Variants in PCDHA10 observed in about 807,000 individuals in gnomAD.
PCDHA10 encodes the protein protocadherin alpha 10, also known as protocadherin alpha-10.
In PCDHA10, 45 loss-of-function variants were observed where a neutral mutation model predicts 61.2. The observed-to-expected ratio is 0.74, with a 90% confidence interval of 0.58 to 0.94. PCDHA10 has a LOEUF of 0.94. Among genes scored for constraint, PCDHA10 ranks in the 40% least tolerant of loss-of-function variants. PCDHA10 has a pLI of 0.00. For synonymous variants in PCDHA10, 602 were observed against 548.8 expected, an observed-to-expected ratio of 1.10 and a Z score of -1.35; for missense variants, 1,278 against 1,236.2, an observed-to-expected ratio of 1.03 and a Z score of -0.51.
chr5:140,993,996 G>T (rs1163632974), intron 3 of PCDHA10, among the ~76,000 whole-genome samples: 1 of 152,148 alleles, frequency 6.6e-6, no homozygotes, highest in Non-Finnish European at 1.5e-5. Flanking sequence ...CTTAGGTCAG[G>T]CCAGGCTCTG....
Position 140,926,930 on chromosome 5 carries a change from T to A in PCDHA10, c.2389-52019T>A, listed in dbSNP as rs1554203828. On this transcript the variant is annotated intron_variant, in intron 1 of 3. Coordinates refer to ENST00000307360, the MANE Select transcript of PCDHA10 (RefSeq NM_018901.4). ...GGGGTGGCAGTTTTATGTTTGTGGG[T>A]TTCCTGCGGCGCTGCAGCGGGACAG... 6 of 1,575,058 alleles carry A rather than the reference T, an allele frequency of 3.8e-6. No individual in the cohort carries two copies. The East Asian group carries it at 1.4e-4, about 35-fold the overall frequency.
intron 1 of PCDHA10, among the ~76,000 whole-genome samples, chr5:140,950,519 A>G (rs1359001168): frequency 6.6e-6 from 1 of 152,034 alleles, no homozygotes; most frequent in Non-Finnish European, 1.5e-5. Flanking sequence ...TGTGTGCGAT[A>G]TGATTGTTTT....
At chr5:140,976,585 C>A (rs1415996919) in intron 1 of PCDHA10, among the ~76,000 whole-genome samples, 1 of 152,064 alleles carries the variant, frequency 6.6e-6, no homozygotes, top group African/African-American at 2.4e-5. Flanking sequence ...AAAACACAGA[C>A]TTTTGTGTTA....
intron 1 of PCDHA10, among the ~76,000 whole-genome samples, chr5:140,974,767 T>C (rs559758887): frequency 1.2e-4 from 18 of 152,098 alleles, no homozygotes; most frequent in Non-Finnish European, 2.4e-4. Flanking sequence ...GGATTACAGG[T>C]ATGAGCCACT....
Position 140,857,393 on chromosome 5 carries a change from G to C in PCDHA10, c.1345G>C (p.Asp449His), listed in dbSNP as rs146099067. Residue 449 changes from aspartate (D) to histidine (H), a missense_variant, in exon 1 of 4, where the codon GAC becomes CAC. Physicochemically the swap from Asp to His is moderately conservative, Grantham distance 81. Coordinates refer to ENST00000307360, the MANE Select transcript of PCDHA10 (RefSeq NM_018901.4). Reference protein sequence around the residue: ...SVSVEVADVNDNAPAFAQSEY... With the variant: ...SVSVEVADVNHNAPAFAQSEY... The stretch of plus-strand genomic sequence containing the variant: ...GTCTGTGGAGGTGGCCGACGTGAAC[G>C]ACAACGCGCCTGCGTTCGCGCAGTC... The C allele has an allele frequency of 3.2e-4, 519 of 1,598,492 alleles. 32 individuals carry two copies. In the African/African-American group the frequency reaches 5.9e-3, roughly 18 times the overall value.
intron 1 of PCDHA10, among the ~76,000 whole-genome samples, chr5:140,965,464 C>T (rs987279720): frequency 1.3e-5 from 2 of 151,782 alleles, no homozygotes; most frequent in Admixed American, 1.3e-4. Context: ...AAGATAAATC[C>T]CAGACTCCCA....
intron 1 of PCDHA10, chr5:140,862,693 T>C (rs2047494827): frequency 1.8e-6 from 1 of 555,404 alleles, no homozygotes; most frequent in African/African-American, 1.9e-5. Flanking sequence ...GTCCTACTCG[T>C]TGATGGAACA....
Position 140,858,042 on chromosome 5 carries a change from T to C in PCDHA10, c.1994T>C (p.Leu665Pro). Residue 665 changes from leucine (L) to proline (P), a missense_variant, in exon 1 of 4, where the codon CTT becomes CCT. Coordinates refer to ENST00000307360, the MANE Select transcript of PCDHA10 (RefSeq NM_018901.4). ...EPSLTATATV[L>P]VSLVEGSQAP... Reference sequence around the variant, plus strand: ...TCGCTGACGGCCACGGCCACTGTGCTTGTGTCGCTTGTGGAGGGCAGCCAG... The same window carrying C: ...TCGCTGACGGCCACGGCCACTGTGCCTGTGTCGCTTGTGGAGGGCAGCCAG... The C allele has an allele frequency of 6.3e-7, 1 of 1,597,284 alleles. No individual in the cohort carries two copies. Among genetic ancestry groups the C allele is most frequent in the Non-Finnish European group, 8.6e-7 (1 of 1,167,330 alleles).
rs553859456 is a variant in PCDHA10 at position 140,938,056 on chromosome 5, A to G, written c.2389-40893A>G. Among the ~76,000 whole-genome samples, 1,107 of 152,294 alleles carry G rather than the reference A, an allele frequency of 7.3e-3. 4 individuals carry two copies. Among genetic ancestry groups the G allele is most frequent in the Admixed American group, 0.012 (189 of 15,304 alleles). ...TTTATATTTTGGGTTTTCTACATATACTGTCATGCTATTCCCAAATAATGT... is the reference window on the plus strand; with the variant it reads ...TTTATATTTTGGGTTTTCTACATATGCTGTCATGCTATTCCCAAATAATGT... On this transcript the variant is annotated intron_variant, in intron 1 of 3. Coordinates refer to ENST00000307360, the MANE Select transcript of PCDHA10 (RefSeq NM_018901.4).
chr5:140,882,735 G>C, intron 1 of PCDHA10: 1 of 1,614,216 alleles, frequency 6.2e-7, no homozygotes, highest in Non-Finnish European at 8.5e-7. Flanking sequence ...CCACTAGATG[G>C]CGCATCCGAT....
intron 1 of PCDHA10, among the ~76,000 whole-genome samples, chr5:140,935,657 T>C (rs2090486652): frequency 1.3e-5 from 2 of 152,176 alleles, no homozygotes; most frequent in Non-Finnish European, 2.9e-5. Flanking sequence ...TTTAATTTTC[T>C]TTTATAATTA....
chr5:140,987,277 A>C (rs1326809190), intron 3 of PCDHA10, among the ~76,000 whole-genome samples: 2 of 152,122 alleles, frequency 1.3e-5, no homozygotes, highest in African/African-American at 4.8e-5. Flanking sequence ...CCGGCAGTCT[A>C]TGTTTTAACA....
At chr5:140,917,327 G>T (rs1219338384) in intron 1 of PCDHA10, among the ~76,000 whole-genome samples, 1 of 149,420 alleles carries the variant, frequency 6.7e-6, no homozygotes, top group Non-Finnish European at 1.5e-5. Context: ...CATGTGGCGG[G>T]GGAGGGGGGG....
chr5:140,920,133 C>A (rs1463322279), intron 1 of PCDHA10, among the ~76,000 whole-genome samples: 7 of 152,178 alleles, frequency 4.6e-5, no homozygotes, highest in African/African-American at 1.4e-4. Flanking sequence ...AGTTTTAATT[C>A]TCCTCTCCAA....
At chr5:140,901,666 T>C (rs539450371) in intron 1 of PCDHA10, among the ~76,000 whole-genome samples, 12 of 152,346 alleles carry the variant, frequency 7.9e-5, no homozygotes, top group African/African-American at 2.6e-4. Context: ...TTGCTCAAGA[T>C]ACCTTTAGGT....
chr5:140,950,526 T>C (rs190195358), intron 1 of PCDHA10, among the ~76,000 whole-genome samples: 17 of 152,212 alleles, frequency 1.1e-4, no homozygotes, highest in Admixed American at 9.2e-4. Flanking sequence ...GATATGATTG[T>C]TTTTGTTGCT....
In PCDHA10 at chr5:140,857,210, C is replaced by T. The variant is rs2044424463; in HGVS notation, c.1162C>T (p.Leu388=). The change falls in exon 1 of 4, where the codon CTG becomes TTG. Residue 388 remains leucine, a synonymous_variant. Coordinates refer to ENST00000307360, the MANE Select transcript of PCDHA10 (RefSeq NM_018901.4). The stretch of plus-strand genomic sequence containing the variant: ...AGCCAACGGACAGGTCACCTGCTCT[C>T]TGACGCCTCACGTTCCGTTCAAGCT... ...SGANGQVTCS[L]TPHVPFKLVS... is the part of the protein sequence containing the mutation. The T allele has an allele frequency of 1.3e-6, 2 of 1,598,628 alleles. No individual in the cohort carries two copies. The highest frequency in any genetic ancestry group is 4.5e-5 in the East Asian group (2 of 44,836).
At chr5:140,967,014 G>T in intron 1 of PCDHA10, 1 of 1,606,958 alleles carries the variant, frequency 6.2e-7, no homozygotes, top group Non-Finnish European at 8.5e-7. Flanking sequence ...AACCATCTGG[G>T]TGCGCCCAGT....
Position 140,857,553 on chromosome 5 carries a change from C to T in PCDHA10, c.1505C>T (p.Ser502Leu). 1 of 1,597,008 alleles carries T rather than the reference C, an allele frequency of 6.3e-7. No homozygotes were observed. The highest frequency in any genetic ancestry group is 8.6e-7 in the Non-Finnish European group (1 of 1,167,708). The part of the protein sequence containing the change: ...SLVERRLGER[S>L]LSSYVSVHAE... ...GTGGAGCGGCGGTTGGGCGAGCGCT[C>T]GCTGTCGAGCTACGTGTCGGTGCAC... Residue 502 changes from serine (S) to leucine (L), a missense_variant, in exon 1 of 4, where the codon TCG (serine) becomes TTG (leucine). Transcript: ENST00000307360.
Sources: allele counts gnomAD v4.1 joint callset (sites outside exome capture counted in the v4.1 genomes callset), GRCh38; gene constraint gnomAD v4.1.1; transcripts MANE v1.5; gene names NCBI Gene and HGNC (gene_info 2026-07-23, HGNC 2026-07-21).